The following C2orf76 variants were observed in gnomAD, a reference collection of about 807,000 sequenced individuals.
C2orf76 encodes the protein chromosome 2 open reading frame 76.
In C2orf76, 23 loss-of-function variants were observed where a neutral mutation model predicts 16.9. The observed-to-expected ratio is 1.36, with a 90% CI of 0.98 to 1.93. C2orf76 has a LOEUF of 1.93. Ranked by LOEUF, C2orf76 falls within the 30% of genes most tolerant of loss-of-function variation. C2orf76 has a pLI of 0.00. For missense variants in C2orf76, 152 were observed against 152.6 expected, an observed-to-expected ratio of 1.00 and a Z score of 0.02; for synonymous variants, 48 against 52.3, an observed-to-expected ratio of 0.92 and a Z score of 0.35.
At chr2:119,336,532 G>T (rs1436538872) in intron 2 of C2orf76, among the ~76,000 whole-genome samples, 2 of 151,930 alleles carry the variant, frequency 1.3e-5, no homozygotes, top group Non-Finnish European at 2.9e-5. Flanking sequence ...TCTCAATGGG[G>T]AATGAATAAA....
chr2:119,327,138 G>C (rs1679532544), intron 2 of C2orf76, among the ~76,000 whole-genome samples: 1 of 152,054 alleles, frequency 6.6e-6, no homozygotes, highest in African/African-American at 2.4e-5. Context: ...CCTTATTTTA[G>C]GAGGAAAGCA....
Position 119,319,176 on chromosome 2 carries a change from G to T in C2orf76, c.185-1673C>A, listed in dbSNP as rs115172334. ...ATATTAATCCTGTTCTATATATTTT[G>T]CTAATGAGCCTTTAAACTAGAAATC... On this transcript the variant is annotated intron_variant, in intron 3 of 5. Coordinates refer to ENST00000334816, the MANE Select transcript of C2orf76 (RefSeq NM_001322331.2). 3.6e-3 allele frequency among the ~76,000 whole-genome samples: 552 copies of T among 152,170 alleles called. 4 individuals are homozygous for T. Among genetic ancestry groups the T allele is most frequent in the African/African-American group, 0.013 (520 of 41,526 alleles).
At chr2:119,346,595 C>T (rs554720230) in intron 1 of C2orf76, among the ~76,000 whole-genome samples, 48 of 152,156 alleles carry the variant, frequency 3.2e-4, no homozygotes, top group South Asian at 1.9e-3. Context: ...GACAAAATTA[C>T]AGAAATGAAG....
the C2orf76 span, among the ~76,000 whole-genome samples, chr2:119,284,824 G>A: frequency 3.3e-5 from 5 of 152,092 alleles, no homozygotes; most frequent in Admixed American, 3.3e-4. Context: ...TTTTGTAAAC[G>A]ATTTAACCCA....
intron 5 of C2orf76, among the ~76,000 whole-genome samples, chr2:119,308,320 T>A (rs1325218793): frequency 1.3e-5 from 2 of 152,218 alleles, no homozygotes; most frequent in African/African-American, 4.8e-5. Flanking sequence ...TAAACAATAA[T>A]CTTACATGTA....
At chr2:119,353,749 G>C (rs1221546863) in intron 1 of C2orf76, among the ~76,000 whole-genome samples, 1 of 151,968 alleles carries the variant, frequency 6.6e-6, no homozygotes, top group Admixed American at 6.6e-5. Flanking sequence ...TTTTAGTAGA[G>C]ATGGGGTTTC....
chr2:119,357,334 G>C (rs1342271890), intron 1 of C2orf76, among the ~76,000 whole-genome samples: 1 of 152,110 alleles, frequency 6.6e-6, no homozygotes, highest in Non-Finnish European at 1.5e-5. Context: ...ATAGAATTTA[G>C]CAATACATAA....
chr2:119,354,517 T>C (rs1021805416), intron 1 of C2orf76, among the ~76,000 whole-genome samples: 3 of 152,230 alleles, frequency 2.0e-5, no homozygotes, highest in African/African-American at 7.2e-5. Flanking sequence ...TGTGAGGCTC[T>C]GTCTCAAAAT....
intron 5 of C2orf76, among the ~76,000 whole-genome samples, chr2:119,306,064 G>C (rs1678772982): frequency 6.6e-6 from 1 of 152,106 alleles, no homozygotes; most frequent in Non-Finnish European, 1.5e-5. Flanking sequence ...TCTGAGTCCT[G>C]CTTCTGGAAT....
the C2orf76 span, among the ~76,000 whole-genome samples, chr2:119,293,371 G>A: frequency 1.3e-5 from 2 of 152,240 alleles, no homozygotes; most frequent in African/African-American, 2.4e-5. Flanking sequence ...AAGAGCAAGT[G>A]CAAAGGCCCT....
chr2:119,289,707 G>C, the C2orf76 span, among the ~76,000 whole-genome samples: 1 of 151,592 alleles, frequency 6.6e-6, no homozygotes, highest in Non-Finnish European at 1.5e-5. Context: ...AAAAGTGCAG[G>C]GTGGCTTTGA....
At chr2:119,327,796 C>G (rs1435256462) in intron 2 of C2orf76, among the ~76,000 whole-genome samples, 2 of 152,020 alleles carry the variant, frequency 1.3e-5, no homozygotes, top group Non-Finnish European at 2.9e-5. Flanking sequence ...TATAAATTAC[C>G]CAGCTTCAGG....
chr2:119,364,025 T>G (rs78626816), intron 1 of C2orf76, among the ~76,000 whole-genome samples: 25 of 143,874 alleles, frequency 1.7e-4, no homozygotes, highest in Non-Finnish European at 2.7e-4. Context: ...CTCAAAAAAA[T>G]AGAGAGAGAG....
rs776544417 is a variant in C2orf76, at chr2:119,310,895, ATAAT to A, written c.304+723_304+726del. ...TCTCAAAAAATAAATAAATTAATAA[ATAAT>A]TAAGAAGAAGCATGGCTTGTGACAC... On this transcript the variant is annotated intron_variant, in intron 5 of 5. Coordinates refer to ENST00000334816, the MANE Select transcript of C2orf76 (RefSeq NM_001322331.2). Among the ~76,000 whole-genome samples the A allele has an allele frequency of 5.9e-5, 9 of 152,282 alleles. 1 individual carries two copies. Among genetic ancestry groups the A allele is most frequent in the Middle Eastern group, 3.4e-3 (1 of 294 alleles).
At chr2:119,314,016 T>TTTTG in intron 4 of C2orf76, among the ~76,000 whole-genome samples, 1 of 134,026 alleles carries the variant, frequency 7.5e-6, no homozygotes, top group African/African-American at 2.8e-5. Context: ...TCTCAGTGGT[T>TTTTG]TTTTTTTTTT....
chr2:119,340,796 ACACAC>A (rs1680002826), intron 1 of C2orf76, among the ~76,000 whole-genome samples: 6 of 146,162 alleles, frequency 4.1e-5, no homozygotes, highest in Non-Finnish European at 7.5e-5. Context: ...ACACACACAC[ACACAC>A]AAATTGGAAA....
chr2:119,326,371 C>A (rs1036685511), intron 2 of C2orf76, among the ~76,000 whole-genome samples: 1 of 152,156 alleles, frequency 6.6e-6, no homozygotes. Flanking sequence ...ATCAATTTAA[C>A]ACATCTGTGT....
At chr2:119,307,658 G>C (rs567845670) in intron 5 of C2orf76, among the ~76,000 whole-genome samples, 6 of 152,178 alleles carry the variant, frequency 3.9e-5, no homozygotes, top group African/African-American at 1.4e-4. Flanking sequence ...GCCGGAGTTC[G>C]GAGTTAGGAG....
chr2:119,355,641 T>G lies in C2orf76; in HGVS notation c.-13+11149A>C, dbSNP rs575000372. 2.6e-5 allele frequency among the ~76,000 whole-genome samples: 4 copies of G among 152,250 alleles called. No individual in the cohort carries two copies. In the South Asian group the frequency reaches 8.3e-4, roughly 32 times the overall value. On this transcript the variant is annotated intron_variant, in intron 1 of 5. Coordinates refer to ENST00000334816, the MANE Select transcript of C2orf76 (RefSeq NM_001322331.2). ...ATTCTCATAGGAGCGTGAACCCTAT[T>G]GTGAACTGAGCATATGAGGGATCTA...
Sources: gnomAD v4.1 joint callset for allele counts (sites outside exome capture counted in the v4.1 genomes callset) on GRCh38, gnomAD v4.1.1 for gene constraint, MANE v1.5 for transcripts, NCBI Gene and HGNC (gene_info 2026-07-23, HGNC 2026-07-21) for gene names.